RNASET2: variants seen among roughly 807,000 people sequenced by gnomAD.
RNASET2 encodes ribonuclease T2, also known as ribonuclease 6.
A neutral mutation model predicts 33.9 loss-of-function variants in RNASET2; 28 were observed. The observed-to-expected ratio is 0.83, with a 90% CI of 0.61 to 1.13. The LOEUF is 1.13. RNASET2 is among the 50% of genes most tolerant of loss of function. RNASET2 has a pLI of 0.00. For missense variants in RNASET2, 330 were observed against 319.9 expected, an observed-to-expected ratio of 1.03 and a Z score of -0.24; for synonymous variants, 123 against 121.0, an observed-to-expected ratio of 1.02 and a Z score of -0.11.
At chr6:166,945,329 G>A (rs1778806966) in intron 4 of RNASET2, 1 of 155,708 alleles carries the variant, frequency 6.4e-6, no homozygotes, top group Non-Finnish European at 1.4e-5. Flanking sequence ...CAAACTCAAT[G>A]TATCCTGAAG....
chr6:166,955,251 ACACACG>A (rs1779097759), intron 1 of RNASET2, among the ~76,000 whole-genome samples: 2 of 110,836 alleles, frequency 1.8e-5, no homozygotes, highest in South Asian at 5.7e-4. Context: ...ACACACACGC[ACACACG>A]CACACACACA....
At position 166,926,085 on chromosome 6, in the gene RNASET2, G is replaced by A. The variant is rs1367170934; in HGVS notation, c.*3503C>T. On this transcript the variant is annotated 3_prime_UTR_variant, in exon 9 of 9. Coordinates refer to ENST00000508775, the MANE Select transcript of RNASET2 (RefSeq NM_003730.6). ...GATGGGAGACTGAGGCTTGAACTAA[G>A]TCAGTAATGAGAAGGATAAGCTGAA... 2.6e-5 allele frequency among the ~76,000 whole-genome samples: 4 copies of A among 152,206 alleles called. No individual in the cohort carries two copies. Among genetic ancestry groups the A allele is most frequent in the African/African-American group, 4.8e-5 (2 of 41,450 alleles).
Position 166,929,104 on chromosome 6 carries a change from C to T in RNASET2, c.*484G>A, listed in dbSNP as rs1271157694. Among the ~76,000 whole-genome samples, 1 of 152,238 alleles carries T rather than the reference C, an allele frequency of 6.6e-6. No individual in the cohort carries two copies. The highest frequency in any genetic ancestry group is 1.5e-5 in the Non-Finnish European group (1 of 68,040). ...GAGCAGCTGGCTAAGGAACGATGTC[C>T]TGGGGCTCTGGTCACATGGAACAGA... On this transcript the variant is annotated 3_prime_UTR_variant, in exon 9 of 9. Transcript: ENST00000508775.
At chr6:166,934,247 G>T in intron 6 of RNASET2, 111 bp from the exon 7 acceptor site, 1 of 774,632 alleles carries the variant, frequency 1.3e-6, no homozygotes, top group Non-Finnish European at 2.2e-6. Context: ...TTAAAGGAAA[G>T]TGTTTTCTAT....
At position 166,927,531 on chromosome 6, in the gene RNASET2, G is replaced by A. The variant is rs1273445755; in HGVS notation, c.*2057C>T. On this transcript the variant is annotated 3_prime_UTR_variant, in exon 9 of 9. Transcript: ENST00000508775. ...TACACGCTACTTAAAAAAAAGAATG[G>A]CTTCTTTAAAAACCGCAAAGGCCAG... Among the ~76,000 whole-genome samples, 1 of 142,208 alleles carries A rather than the reference G, an allele frequency of 7.0e-6. No homozygotes were observed. Among genetic ancestry groups the A allele is most frequent in the Middle Eastern group, 3.5e-3 (1 of 282 alleles). 93.3% of individuals were successfully genotyped at this position (142,208 alleles called of 152,430 possible). A position where few individuals can be genotyped will look rare whatever the true frequency, so the allele number is the denominator to read the frequency against.
chr6:166,941,448 T>G (rs980235744), intron 5 of RNASET2, among the ~76,000 whole-genome samples: 12 of 152,196 alleles, frequency 7.9e-5, no homozygotes, highest in African/African-American at 2.7e-4. Context: ...CACTGTGAAG[T>G]GACATATAAT....
chr6:166,955,468 C>G, intron 1 of RNASET2: 2 of 986,752 alleles, frequency 2.0e-6, no homozygotes, highest in Non-Finnish European at 2.4e-6. Context: ...ACAGGATACT[C>G]AAAAAGAGGA....
intron 7 of RNASET2, chr6:166,932,553 C>T (rs1778473049): frequency 6.6e-6 from 1 of 152,268 alleles, no homozygotes; most frequent in Non-Finnish European, 1.5e-5. Flanking sequence ...GTCGGCAGCT[C>T]TCCTGGGTGC....
In RNASET2 at chr6:166,956,082, C is replaced by T; in HGVS notation, c.86+15G>A. On this transcript the variant is annotated intron_variant, in intron 1 of 8. Coordinates refer to ENST00000508775, the MANE Select transcript of RNASET2 (RefSeq NM_003730.6). ...GGCTCCCACGCTCCCCACTTTACCTCGCAAGGTAACTCACCGCAGGCGCTT... is the reference window on the plus strand; with the variant it reads ...GGCTCCCACGCTCCCCACTTTACCTTGCAAGGTAACTCACCGCAGGCGCTT... 6.4e-7 allele frequency: 1 copy of T among 1,550,754 alleles called. No homozygotes were observed. The highest frequency in any genetic ancestry group is 8.7e-7 in the Non-Finnish European group (1 of 1,145,980).
In RNASET2 at chr6:166,922,777, G is replaced by A. The variant is rs1223371972; in HGVS notation, c.*6811C>T. ...GCTCAAGTAGCTGTGTTCAGTACTGGGGCAGCACGAGCAGCCCACATCTCA... is the reference window on the plus strand; with the variant it reads ...GCTCAAGTAGCTGTGTTCAGTACTGAGGCAGCACGAGCAGCCCACATCTCA... On this transcript the variant is annotated 3_prime_UTR_variant, in exon 9 of 9. Coordinates refer to ENST00000508775, the MANE Select transcript of RNASET2 (RefSeq NM_003730.6). Among the ~76,000 whole-genome samples, 1 of 152,074 alleles carries A rather than the reference G, an allele frequency of 6.6e-6. No homozygotes were observed. Among genetic ancestry groups the A allele is most frequent in the African/African-American group, 2.4e-5 (1 of 41,386 alleles).
At position 166,923,228 on chromosome 6, in the gene RNASET2, C is replaced by CT. The variant is rs576639665; in HGVS notation, c.*6359dup. On this transcript the variant is annotated 3_prime_UTR_variant, in exon 9 of 9. Transcript: ENST00000508775. Reference sequence around the variant, plus strand: ...ACAGGCGTGAGCCACCAGGCCCGGCCTTTTTTTTTTTTTTTTTTTTTGAGA... The same window carrying CT: ...ACAGGCGTGAGCCACCAGGCCCGGCCTTTTTTTTTTTTTTTTTTTTTTGAGA... Among the ~76,000 whole-genome samples the CT allele has an allele frequency of 0.087, 8,915 of 102,584 alleles. 752 individuals are homozygous for CT. Among genetic ancestry groups the CT allele is most frequent in the African/African-American group, 0.13 (2,566 of 19,096 alleles). The allele number at this position is 102,584 out of a possible 152,430, so 67.3% of individuals were successfully genotyped here.
chr6:166,943,759 G>A, intron 4 of RNASET2: 1 of 470,474 alleles, frequency 2.1e-6, no homozygotes, highest in South Asian at 1.6e-5. Context: ...TAATGATTGG[G>A]AGAGTTGAGG....
chr6:166,940,099 A>G (rs1428758284), intron 5 of RNASET2, among the ~76,000 whole-genome samples: 1 of 152,232 alleles, frequency 6.6e-6, no homozygotes, highest in African/African-American at 2.4e-5. Flanking sequence ...GCTGTCATCC[A>G]ATCAACTGCT....
intron 7 of RNASET2, chr6:166,932,953 A>G (rs1165147820): frequency 6.6e-6 from 1 of 152,208 alleles, no homozygotes. Context: ...TCCTTCCTCA[A>G]GTCCACTGCT....
intron 6 of RNASET2, chr6:166,934,939 C>T (rs1204924755): frequency 6.6e-6 from 1 of 152,188 alleles, no homozygotes; most frequent in East Asian, 1.9e-4. Flanking sequence ...TATAAAGGTA[C>T]ACTGTAAAAT....
In RNASET2 at chr6:166,922,432, C is replaced by T. The variant is rs1049998582; in HGVS notation, c.*7156G>A. Among the ~76,000 whole-genome samples the T allele has an allele frequency of 7.9e-5, 12 of 152,174 alleles. No homozygotes were observed. Among genetic ancestry groups the T allele is most frequent in the African/African-American group, 2.7e-4 (11 of 41,438 alleles). On this transcript the variant is annotated 3_prime_UTR_variant, in exon 9 of 9. Coordinates refer to ENST00000508775, the MANE Select transcript of RNASET2 (RefSeq NM_003730.6). ...CTTGATTTCCAGGAATTGCCATAGG[C>T]TAGAGTCTCAGGTGTATAAAATTTC... is the stretch of plus-strand genomic sequence containing the variant.
intron 2 of RNASET2, among the ~76,000 whole-genome samples, chr6:166,950,224 C>G (rs917598293): frequency 7.1e-6 from 1 of 139,946 alleles, no homozygotes; most frequent in South Asian, 2.2e-4. Flanking sequence ...GTCCTTCTTC[C>G]GTAGGAACCA....
intron 6 of RNASET2, 146 bp from the exon 7 acceptor site, chr6:166,934,282 C>A: frequency 3.0e-6 from 2 of 674,174 alleles, no homozygotes; most frequent in East Asian, 2.7e-5. Context: ...AATGTGTCAA[C>A]ATGGACTGCA....
chr6:166,928,510 T>G lies in RNASET2; in HGVS notation c.*1078A>C, dbSNP rs935941852. Among the ~76,000 whole-genome samples, 1 of 151,954 alleles carries G rather than the reference T, an allele frequency of 6.6e-6. No individual in the cohort carries two copies. The highest frequency in any genetic ancestry group is 2.4e-5 in the African/African-American group (1 of 41,272). ...TCTAAGGATTAAATATTTCACGTGT[T>G]GAACACAATGCCTGGCACATAGTAA... On this transcript the variant is annotated 3_prime_UTR_variant, in exon 9 of 9. Transcript: ENST00000508775.
Sources: allele counts gnomAD v4.1 joint callset (sites outside exome capture counted in the v4.1 genomes callset), GRCh38; gene constraint gnomAD v4.1.1; transcripts MANE v1.5; gene names NCBI Gene and HGNC (gene_info 2026-07-23, HGNC 2026-07-21).